Variants in LRRC7 observed in about 807,000 individuals in gnomAD.
LRRC7 encodes the protein leucine rich repeat containing 7.
A neutral mutation model predicts 175.7 loss-of-function variants in LRRC7; 23 were observed. The ratio of observed to expected loss-of-function variants is 0.13; its 90% CI spans 0.09 to 0.19. The LOEUF (loss-of-function observed/expected upper bound fraction) is 0.19, where lower values mean the gene tolerates loss of function less well. LRRC7 is among the 10% of genes least tolerant of loss of function. LRRC7 has a pLI of 1.00. For synonymous variants in LRRC7, 685 were observed against 680.9 expected, an observed-to-expected ratio of 1.01 and a Z score of -0.09; for missense variants, 1,354 against 1,904.7, an observed-to-expected ratio of 0.71 and a Z score of 5.38.
intron 7 of LRRC7, among the ~76,000 whole-genome samples, chr1:69,869,788 A>C (rs532414569): frequency 6.6e-6 from 1 of 152,300 alleles, no homozygotes; most frequent in African/African-American, 2.4e-5. Context: ...CCAAAGGTAA[A>C]GATTGATAAA....
At chr1:69,846,458 G>A (rs1682382719) in intron 7 of LRRC7, among the ~76,000 whole-genome samples, 1 of 151,782 alleles carries the variant, frequency 6.6e-6, no homozygotes, top group African/African-American at 2.4e-5. Flanking sequence ...GATAAAAACT[G>A]CCTGCAGTAA....
chr1:69,594,647 C>T (rs1292821561), intron 1 of LRRC7, among the ~76,000 whole-genome samples: 5 of 152,184 alleles, frequency 3.3e-5, no homozygotes, highest in Non-Finnish European at 4.4e-5. Flanking sequence ...TTCACACTCA[C>T]GCTATTATCT....
chr1:70,037,623 C>G (rs965905399), intron 20 of LRRC7, among the ~76,000 whole-genome samples: 1 of 152,108 alleles, frequency 6.6e-6, no homozygotes, highest in Non-Finnish European at 1.5e-5. Flanking sequence ...GTACTCTCGG[C>G]CAATAGTTTG....
chr1:70,018,642 ATC>A (rs1657168993), intron 14 of LRRC7, 75 bp from the exon 15 acceptor site: 4 of 897,692 alleles, frequency 4.5e-6, no homozygotes, highest in African/African-American at 1.7e-5. Flanking sequence ...ATGTTTATTT[ATC>A]TGAGTGAGAC....
At chr1:69,605,847 T>G (rs942939965) in intron 1 of LRRC7, among the ~76,000 whole-genome samples, 1 of 152,112 alleles carries the variant, frequency 6.6e-6, no homozygotes, top group Non-Finnish European at 1.5e-5. Flanking sequence ...AAATCTACTT[T>G]GACTAGATTA....
chr1:69,675,481 G>A (rs1659640377), intron 1 of LRRC7, among the ~76,000 whole-genome samples: 1 of 152,112 alleles, frequency 6.6e-6, no homozygotes, highest in East Asian at 1.9e-4. Flanking sequence ...CCATCAGAGT[G>A]TAATCACAAT....
chr1:69,580,258 A>G (rs1646141349), intron 1 of LRRC7, among the ~76,000 whole-genome samples: 1 of 152,176 alleles, frequency 6.6e-6, no homozygotes, highest in South Asian at 2.1e-4. Context: ...TAGTGTCACA[A>G]CTACAGAAAT....
At chr1:69,616,644 A>G (rs1649669459) in intron 1 of LRRC7, among the ~76,000 whole-genome samples, 1 of 152,124 alleles carries the variant, frequency 6.6e-6, no homozygotes, top group South Asian at 2.1e-4. Context: ...CTACTATTAG[A>G]AAATAAGTTT....
At chr1:69,833,061 C>A (rs1317444269) in intron 5 of LRRC7, among the ~76,000 whole-genome samples, 1 of 148,650 alleles carries the variant, frequency 6.7e-6, no homozygotes, top group African/African-American at 2.4e-5. Flanking sequence ...GCCGAGATTG[C>A]ACCATTGCAC....
intron 2 of LRRC7, among the ~76,000 whole-genome samples, chr1:69,713,750 C>T (rs1395620996): frequency 6.6e-6 from 1 of 151,004 alleles, no homozygotes; most frequent in African/African-American, 2.4e-5. Context: ...TGCATGGCAT[C>T]TCGTATGAAA....
At chr1:69,950,119 A>C (rs1201307878) in intron 8 of LRRC7, among the ~76,000 whole-genome samples, 5 of 152,064 alleles carry the variant, frequency 3.3e-5, no homozygotes, top group African/African-American at 2.4e-5. Flanking sequence ...ATTCTCAACA[A>C]TTGAGAATAC....
rs11800055 is a variant in LRRC7 at position 69,856,052 on chromosome 1, A to G, written c.647+17769A>G. On this transcript the variant is annotated intron_variant, in intron 7 of 26. Transcript: ENST00000651989. ...GTGGGATGGGTGTCCTGAATACAGC[A>G]CATTGATGGGTCTTGACTCTTTATC... Among the ~76,000 whole-genome samples, 344 of 152,230 alleles carry G rather than the reference A, an allele frequency of 2.3e-3. 1 individual carries two copies. The highest frequency in any genetic ancestry group is 7.8e-3 in the African/African-American group (325 of 41,564).
intron 3 of LRRC7, among the ~76,000 whole-genome samples, chr1:69,777,467 T>C (rs1034657018): frequency 6.6e-6 from 1 of 152,206 alleles, no homozygotes; most frequent in South Asian, 2.1e-4. Flanking sequence ...TCTATTCTCA[T>C]ATTCTCAGTG....
intron 1 of LRRC7, among the ~76,000 whole-genome samples, chr1:69,631,200 A>T (rs1773348): frequency 6.6e-6 from 1 of 151,970 alleles, no homozygotes; most frequent in East Asian, 1.9e-4. Flanking sequence ...ATTCACTGCA[A>T]TGTGGATTTC....
chr1:69,652,812 G>A (rs1656054241), intron 1 of LRRC7, among the ~76,000 whole-genome samples: 1 of 151,958 alleles, frequency 6.6e-6, no homozygotes, highest in Non-Finnish European at 1.5e-5. Flanking sequence ...GGAACAAAGA[G>A]AGCTGAGAAA....
chr1:69,686,275 G>C (rs1340763), intron 2 of LRRC7, among the ~76,000 whole-genome samples: 37,999 of 151,944 alleles, frequency 0.25, 4,918 homozygotes, highest in East Asian at 0.34. Flanking sequence ...AAACACAAAG[G>C]AAAAGTTTAA....
chr1:69,939,037 A>ATATATATATC (rs1557911148), intron 8 of LRRC7, among the ~76,000 whole-genome samples: 8 of 80,936 alleles, frequency 9.9e-5, no homozygotes, highest in African/African-American at 2.7e-4. Flanking sequence ...ATATCTATAT[A>ATATATATATC]TATCTATATC....
intron 5 of LRRC7, among the ~76,000 whole-genome samples, chr1:69,833,459 T>C (rs902720899): frequency 4.6e-5 from 7 of 152,142 alleles, no homozygotes; most frequent in African/African-American, 7.2e-5. Flanking sequence ...ACTGATTCTA[T>C]TTCTTCATTC....
At chr1:69,916,220 T>C (rs1420390474) in intron 7 of LRRC7, among the ~76,000 whole-genome samples, 3 of 15,798 alleles carry the variant, frequency 1.9e-4, no homozygotes, top group Admixed American at 6.3e-4. Flanking sequence ...AATTTTATTA[T>C]GTATAATATA....
Sources: gnomAD v4.1 joint callset for allele counts (sites outside exome capture counted in the v4.1 genomes callset) on GRCh38, gnomAD v4.1.1 for gene constraint, MANE v1.5 for transcripts, NCBI Gene and HGNC (gene_info 2026-07-23, HGNC 2026-07-21) for gene names.